Variants in FSTL5 observed in about 807,000 individuals in gnomAD.
FSTL5 encodes the protein follistatin like 5, also known as follistatin-related protein 5.
Under a neutral mutation model 89.1 loss-of-function variants are expected in FSTL5, and 62 were observed. The ratio of observed to expected loss-of-function variants is 0.70; its 90% confidence interval spans 0.57 to 0.86. FSTL5 has a LOEUF of 0.86. Ranked by LOEUF, FSTL5 falls within the 40% of genes least tolerant of loss-of-function variation. The probability of loss-of-function intolerance (pLI) is 0.00; values close to 1 mark genes in which losing one functional copy is unlikely to be tolerated. For missense variants in FSTL5, 1,057 were observed against 1,001.6 expected, an observed-to-expected ratio of 1.06 and a Z score of -0.75; for synonymous variants, 383 against 346.2, an observed-to-expected ratio of 1.11 and a Z score of -1.18.
intron 3 of FSTL5, among the ~76,000 whole-genome samples, chr4:161,995,748 G>T (rs926198345): frequency 6.7e-6 from 1 of 148,732 alleles, no homozygotes; most frequent in African/African-American, 2.5e-5. Context: ...TCCCTAAAGT[G>T]TCTATTAACA....
intron 13 of FSTL5, among the ~76,000 whole-genome samples, chr4:161,459,622 C>T (rs1733490922): frequency 6.6e-6 from 1 of 151,992 alleles, no homozygotes; most frequent in Non-Finnish European, 1.5e-5. Flanking sequence ...TCAGTTCATT[C>T]ATTACCTATG....
In FSTL5 at chr4:161,534,014, T is replaced by C. The variant is rs189497532; in HGVS notation, c.1312+4152A>G. 8.5e-4 allele frequency among the ~76,000 whole-genome samples: 130 copies of C among 152,248 alleles called. 1 individual carries two copies. The highest frequency in any genetic ancestry group is 1.2e-3 in the Non-Finnish European group (84 of 68,002). On this transcript the variant is annotated intron_variant, in intron 10 of 15. Coordinates refer to ENST00000306100, the MANE Select transcript of FSTL5 (RefSeq NM_020116.5). The stretch of plus-strand genomic sequence containing the variant: ...CTCCCAAGAGATGCAGGAAAAGCCT[T>C]TGATAAAATCCAATATTCATTCACG...
At chr4:161,916,281 T>A (rs1422558441) in intron 4 of FSTL5, among the ~76,000 whole-genome samples, 1 of 152,184 alleles carries the variant, frequency 6.6e-6, no homozygotes, top group Non-Finnish European at 1.5e-5. Flanking sequence ...ATAAAAGGTT[T>A]AAATCCCTTT....
chr4:161,972,651 G>A (rs1167154223), intron 3 of FSTL5, among the ~76,000 whole-genome samples: 1 of 152,134 alleles, frequency 6.6e-6, no homozygotes, highest in Non-Finnish European at 1.5e-5. Context: ...CTTCTTTGCC[G>A]GTTGCAGTTT....
intron 8 of FSTL5, among the ~76,000 whole-genome samples, chr4:161,553,439 ATTTTT>A (rs1259427542): frequency 2.6e-5 from 4 of 151,296 alleles, no homozygotes; most frequent in African/African-American, 9.7e-5. Flanking sequence ...AATTTGATTT[ATTTTT>A]GAGTTTTAAG....
intron 3 of FSTL5, among the ~76,000 whole-genome samples, chr4:162,015,992 G>T (rs1187816521): frequency 6.6e-6 from 1 of 152,136 alleles, no homozygotes; most frequent in South Asian, 2.1e-4. Context: ...CACTCTCTGA[G>T]AAAGGAGGGA....
rs142188672 is a variant in FSTL5 at position 161,546,292 on chromosome 4, T to TTATA, written c.1016-3603_1016-3600dup. On this transcript the variant is annotated intron_variant, in intron 8 of 15. Transcript: ENST00000306100. ...TAAATATGCATATTATATATACATA[T>TTATA]TATATATATATATATACACATATAT... Among the ~76,000 whole-genome samples the TTATA allele has an allele frequency of 2.0e-3, 290 of 145,580 alleles. 1 individual carries two copies. Among genetic ancestry groups the TTATA allele is most frequent in the Admixed American group, 4.1e-3 (59 of 14,380 alleles).
At chr4:161,671,526 GC>G (rs1404229218) in intron 6 of FSTL5, among the ~76,000 whole-genome samples, 1 of 152,038 alleles carries the variant, frequency 6.6e-6, no homozygotes, top group East Asian at 1.9e-4. Context: ...ACATTACTTT[GC>G]TGCTTTTACG....
chr4:161,620,002 T>C (rs879562692), intron 7 of FSTL5, among the ~76,000 whole-genome samples: 5 of 151,952 alleles, frequency 3.3e-5, no homozygotes, highest in Non-Finnish European at 7.4e-5. Flanking sequence ...TGGAATACCA[T>C]GCAGCCATAA....
At chr4:162,005,723 T>C (rs1333416217) in intron 3 of FSTL5, among the ~76,000 whole-genome samples, 2 of 152,144 alleles carry the variant, frequency 1.3e-5, no homozygotes, top group African/African-American at 2.4e-5. Context: ...GTGTCAAGCA[T>C]AATTCTGACC....
Position 161,788,613 on chromosome 4 carries a change from T to C in FSTL5, c.410-12539A>G, listed in dbSNP as rs1035915678. On this transcript the variant is annotated intron_variant, in intron 4 of 15. Coordinates refer to ENST00000306100, the MANE Select transcript of FSTL5 (RefSeq NM_020116.5). ...TTTGAAACAACACCTGTGCAGGGCATCACTGCTCATGCCTATAAACCCAAC... is the reference window on the plus strand; with the variant it reads ...TTTGAAACAACACCTGTGCAGGGCACCACTGCTCATGCCTATAAACCCAAC... 5.3e-4 allele frequency among the ~76,000 whole-genome samples: 81 copies of C among 152,306 alleles called. 2 individuals carry two copies. Among genetic ancestry groups the C allele is most frequent in the East Asian group, 5.8e-4 (3 of 5,184 alleles).
chr4:162,076,655 T>C (rs891809138), intron 2 of FSTL5, among the ~76,000 whole-genome samples: 33 of 151,754 alleles, frequency 2.2e-4, no homozygotes, highest in African/African-American at 3.1e-4. Context: ...GGATCCAACA[T>C]TGTGATGAGA....
At chr4:161,782,814 T>C (rs1348823099) in intron 4 of FSTL5, among the ~76,000 whole-genome samples, 1 of 152,218 alleles carries the variant, frequency 6.6e-6, no homozygotes, top group East Asian at 1.9e-4. Flanking sequence ...AAAAACATAG[T>C]TTGATATTCT....
At position 161,459,312 on chromosome 4, in the gene FSTL5, C is replaced by T. The variant is rs375718347; in HGVS notation, c.1616G>A (p.Ser539Asn). Residue 539 changes from serine to asparagine, a missense_variant, in exon 14 of 16, where the codon AGC becomes AAC. Ser to Asn is a conservative substitution (Grantham distance 46). This residue lies in a region of FSTL5 where 980 missense variants were observed against 903.2 expected (regional missense o/e 1.08). Transcript: ENST00000306100. ...VQSQKVVQAVSTDPVPVKLHY... is the reference protein window; with the variant it reads ...VQSQKVVQAVNTDPVPVKLHY... ...TAATTTAACTGGGACAGGGTCTGTG[C>T]TCACTGCCTACAATAAAGAAGAATT... is the stretch of plus-strand genomic sequence containing the variant. 1.1e-5 allele frequency: 17 copies of T among 1,604,972 alleles called. No individual in the cohort carries two copies. The highest frequency in any genetic ancestry group is 1.3e-5 in the Non-Finnish European group (15 of 1,172,094).
intron 2 of FSTL5, among the ~76,000 whole-genome samples, chr4:162,090,863 CA>C (rs1198900778): frequency 6.6e-6 from 1 of 151,688 alleles, no homozygotes; most frequent in African/African-American, 2.4e-5. Flanking sequence ...AAACATTTAC[CA>C]ACATCTTTAC....
intron 7 of FSTL5, among the ~76,000 whole-genome samples, chr4:161,594,041 T>C (rs571649044): frequency 3.3e-5 from 5 of 152,180 alleles, no homozygotes; most frequent in African/African-American, 1.2e-4. Flanking sequence ...TAGAAATTAA[T>C]TGAGAAAGAT....
chr4:162,153,375 A>T (rs1341307183), intron 1 of FSTL5, among the ~76,000 whole-genome samples: 1 of 151,732 alleles, frequency 6.6e-6, no homozygotes, highest in Non-Finnish European at 1.5e-5. Context: ...GTAATACTTT[A>T]CCTGTTTTAC....
At chr4:161,914,462 TG>T (rs1733785020) in intron 4 of FSTL5, among the ~76,000 whole-genome samples, 1 of 152,058 alleles carries the variant, frequency 6.6e-6, no homozygotes, top group African/African-American at 2.4e-5. Context: ...AGAAATGTAG[TG>T]GGGTAGTAAA....
chr4:161,547,169 T>C (rs570629660), intron 8 of FSTL5, among the ~76,000 whole-genome samples: 1 of 152,030 alleles, frequency 6.6e-6, no homozygotes, highest in Non-Finnish European at 1.5e-5. Flanking sequence ...GCCACGTGAG[T>C]GAGTAATCTT....
Sources: allele counts gnomAD v4.1 joint callset (sites outside exome capture counted in the v4.1 genomes callset), GRCh38; gene constraint gnomAD v4.1.1; regional missense constraint gnomAD v4.1.1; transcripts MANE v1.5; gene names NCBI Gene and HGNC (gene_info 2026-07-23, HGNC 2026-07-21).